Variants in FBXL17 observed in about 807,000 individuals in gnomAD.
FBXL17 encodes the protein F-box and leucine rich repeat protein 17, also known as F-box/LRR-repeat protein 17.
Under a neutral mutation model 66.2 loss-of-function variants are expected in FBXL17, and 22 were observed. The observed-to-expected ratio is 0.33, with a 90% confidence interval of 0.24 to 0.47. FBXL17 has a LOEUF of 0.47. FBXL17 is among the 20% of genes least tolerant of loss of function. The pLI, the probability that FBXL17 is intolerant of heterozygous loss-of-function variation, is 1.00. For synonymous variants in FBXL17, 474 were observed against 400.5 expected, an observed-to-expected ratio of 1.18 and a Z score of -2.19; for missense variants, 878 against 948.2, an observed-to-expected ratio of 0.93 and a Z score of 0.97.
chr5:108,122,020 A>C (rs1371738904), intron 6 of FBXL17, among the ~76,000 whole-genome samples: 2 of 152,202 alleles, frequency 1.3e-5, no homozygotes, highest in Non-Finnish European at 2.9e-5. Context: ...AACAGATGGA[A>C]TCAAATTAAT....
chr5:108,069,321 C>T lies in FBXL17; in HGVS notation c.1746-48320G>A, dbSNP rs1580399273. On this transcript the variant is annotated intron_variant, in intron 6 of 8. Coordinates refer to ENST00000542267, the MANE Select transcript of FBXL17 (RefSeq NM_001163315.3). ...GAGACTAGCATTTGATTCAACAATT[C>T]GGCTTATGGCGAGGCTACTCTAGAA... Among the ~76,000 whole-genome samples, 11 of 152,094 alleles carry T rather than the reference C, an allele frequency of 7.2e-5. No individual in the cohort carries two copies. The South Asian group carries it at 2.3e-3, about 32-fold the overall frequency.
chr5:108,342,540 CT>C (rs1224233121), intron 4 of FBXL17, among the ~76,000 whole-genome samples: 1 of 152,128 alleles, frequency 6.6e-6, no homozygotes, highest in Non-Finnish European at 1.5e-5. Flanking sequence ...GAGATAATGT[CT>C]TTTGGAAGTT....
intron 7 of FBXL17, among the ~76,000 whole-genome samples, chr5:107,954,436 A>G (rs1282522967): frequency 6.6e-6 from 1 of 152,238 alleles, no homozygotes; most frequent in African/African-American, 2.4e-5. Flanking sequence ...TCATGCAGTG[A>G]ACCACAGTCA....
At chr5:108,195,002 T>TA (rs1330252637) in intron 5 of FBXL17, among the ~76,000 whole-genome samples, 3 of 152,058 alleles carry the variant, frequency 2.0e-5, no homozygotes, top group Non-Finnish European at 2.9e-5. Context: ...TTTAATCACT[T>TA]AAAAAATGCA....
chr5:107,981,729 A>T (rs1017527033), intron 7 of FBXL17, among the ~76,000 whole-genome samples: 19 of 152,132 alleles, frequency 1.2e-4, no homozygotes, highest in Admixed American at 1.2e-3. Flanking sequence ...GAAAAAAAAC[A>T]TTCTCCTTGA....
intron 6 of FBXL17, among the ~76,000 whole-genome samples, chr5:108,087,877 A>T (rs932405741): frequency 1.3e-5 from 2 of 152,232 alleles, no homozygotes; most frequent in African/African-American, 4.8e-5. Flanking sequence ...AGTTTGCTGG[A>T]AACCTACTTA....
At chr5:108,221,218 A>G (rs538638175) in intron 5 of FBXL17, among the ~76,000 whole-genome samples, 1 of 152,292 alleles carries the variant, frequency 6.6e-6, no homozygotes, top group African/African-American at 2.4e-5. Context: ...ATAAAATTAA[A>G]TCAAAGGGAC....
At chr5:108,357,846 G>A (rs547276455) in intron 3 of FBXL17, among the ~76,000 whole-genome samples, 1 of 150,744 alleles carries the variant, frequency 6.6e-6, no homozygotes, top group Admixed American at 6.6e-5. Context: ...AACTTCAGAA[G>A]AAATTTGAAC....
chr5:108,101,290 C>T (rs1478090671), intron 6 of FBXL17, among the ~76,000 whole-genome samples: 1 of 152,220 alleles, frequency 6.6e-6, no homozygotes. Flanking sequence ...GATTTTATTT[C>T]CAAAGGAACA....
chr5:108,238,843 A>G (rs928870748), intron 4 of FBXL17, among the ~76,000 whole-genome samples: 2 of 152,190 alleles, frequency 1.3e-5, no homozygotes, highest in South Asian at 4.1e-4. Flanking sequence ...CCATAATTCC[A>G]TGTGTGGTTA....
chr5:108,129,059 A>T (rs771691952), intron 6 of FBXL17, among the ~76,000 whole-genome samples: 4 of 152,156 alleles, frequency 2.6e-5, no homozygotes, highest in Non-Finnish European at 2.9e-5. Flanking sequence ...ATTGTATCAA[A>T]TAGGTTGACT....
intron 6 of FBXL17, among the ~76,000 whole-genome samples, chr5:108,068,537 C>T (rs1010214965): frequency 6.6e-6 from 1 of 151,888 alleles, no homozygotes; most frequent in Non-Finnish European, 1.5e-5. Context: ...CTCACTGCAA[C>T]CTCCACCTCC....
chr5:108,180,356 C>T (rs1051577976), intron 6 of FBXL17, among the ~76,000 whole-genome samples: 2 of 151,804 alleles, frequency 1.3e-5, no homozygotes, highest in Non-Finnish European at 2.9e-5. Context: ...ACTAAAAACA[C>T]AAAAATTAGC....
chr5:107,883,756 TCC>T (rs1252574533), intron 7 of FBXL17, among the ~76,000 whole-genome samples: 2 of 152,158 alleles, frequency 1.3e-5, no homozygotes, highest in African/African-American at 4.8e-5. Flanking sequence ...CTTAAACATA[TCC>T]ATTGAATACA....
At chr5:108,194,352 TC>T (rs1433444973) in intron 5 of FBXL17, among the ~76,000 whole-genome samples, 1 of 152,178 alleles carries the variant, frequency 6.6e-6, no homozygotes, top group African/African-American at 2.4e-5. Flanking sequence ...CTCCACAAAG[TC>T]TTTTTGATTA....
chr5:108,166,487 TAATA>T (rs151135768), intron 6 of FBXL17, among the ~76,000 whole-genome samples: 5,632 of 152,224 alleles, frequency 0.037, 330 homozygotes, highest in African/African-American at 0.13. Context: ...AAAAAACTGA[TAATA>T]AATAACCTGA....
At chr5:108,124,095 T>C (rs1750605066) in intron 6 of FBXL17, among the ~76,000 whole-genome samples, 1 of 152,108 alleles carries the variant, frequency 6.6e-6, no homozygotes, top group Non-Finnish European at 1.5e-5. Context: ...AGAAGCATAT[T>C]TACTAATGCC....
chr5:108,196,645 G>T (rs1409441652), intron 5 of FBXL17, among the ~76,000 whole-genome samples: 1 of 152,098 alleles, frequency 6.6e-6, no homozygotes, highest in African/African-American at 2.4e-5. Flanking sequence ...CAAAACTTTA[G>T]ATATGACTTT....
chr5:107,885,718 A>C (rs1425009094), intron 7 of FBXL17, among the ~76,000 whole-genome samples: 4 of 152,198 alleles, frequency 2.6e-5, no homozygotes, highest in African/African-American at 9.7e-5. Flanking sequence ...GAATATAATA[A>C]AATACATATT....
Sources: gnomAD v4.1 joint callset for allele counts (sites outside exome capture counted in the v4.1 genomes callset) on GRCh38, gnomAD v4.1.1 for gene constraint, MANE v1.5 for transcripts, NCBI Gene and HGNC (gene_info 2026-07-23, HGNC 2026-07-21) for gene names.